Variants in CAPN7 observed in about 807,000 individuals in gnomAD.
CAPN7 encodes calpain-7.
CAPN7 carries 72 observed loss-of-function variants against 115.2 expected under a neutral mutation model. The ratio of observed to expected loss-of-function variants is 0.63; its 90% CI spans 0.52 to 0.76. The LOEUF (loss-of-function observed/expected upper bound fraction) is 0.76. Among genes scored for constraint, CAPN7 ranks in the 30% least tolerant of loss-of-function variants. CAPN7 has a pLI of 0.00. For missense variants in CAPN7, 905 were observed against 971.5 expected (o/e 0.93, Z 0.91); for synonymous variants, 344 against 322.3 (o/e 1.07, Z -0.72).
chr3:15,241,323 C>A, intron 14 of CAPN7, 130 bp from the exon 15 acceptor site: 1 of 824,842 alleles, frequency 1.2e-6, no homozygotes, highest in Non-Finnish European at 1.9e-6. Flanking sequence ...CCTAGTTATG[C>A]CAAAAAAATT....
Position 15,206,608 on chromosome 3 carries a change from G to A in CAPN7, c.102+11G>A. The A allele has an allele frequency of 1.3e-6, 2 of 1,538,004 alleles. No individual in the cohort carries two copies. Among genetic ancestry groups the A allele is most frequent in the Non-Finnish European group, 1.8e-6 (2 of 1,140,024 alleles). ...GTGTTTTATTACAAGGTAGGGCCGG[G>A]CCCGGCGCTTCGGTCGGAGTTGCTC... is the stretch of plus-strand genomic sequence containing the variant. On this transcript the variant is annotated intron_variant, in intron 1 of 20. Transcript: ENST00000253693.
intron 12 of CAPN7, among the ~76,000 whole-genome samples, chr3:15,239,457 T>A (rs1022726421): frequency 1.3e-5 from 2 of 152,228 alleles, no homozygotes; most frequent in Non-Finnish European, 2.9e-5. Context: ...ACCTTTACAT[T>A]CTGTTCCATA....
chr3:15,226,366 G>A (rs747438627), intron 6 of CAPN7, among the ~76,000 whole-genome samples: 1 of 152,120 alleles, frequency 6.6e-6, no homozygotes, highest in African/African-American at 2.4e-5. Context: ...GAGCCACCGC[G>A]CCTGGCTGTA....
chr3:15,227,463 G>A (rs1256697146), intron 6 of CAPN7, among the ~76,000 whole-genome samples: 1 of 152,160 alleles, frequency 6.6e-6, no homozygotes, highest in African/African-American at 2.4e-5. Flanking sequence ...AGTGGAGTTT[G>A]TAAAAAACCA....
intron 5 of CAPN7, among the ~76,000 whole-genome samples, chr3:15,222,291 A>G (rs759759981): frequency 7.9e-5 from 12 of 152,216 alleles, no homozygotes; most frequent in South Asian, 2.1e-4. Flanking sequence ...CCAAAAAAAA[A>G]TGAAATGTGA....
chr3:15,244,333 CA>C (rs1355800143), intron 16 of CAPN7, among the ~76,000 whole-genome samples: 1 of 152,148 alleles, frequency 6.6e-6, no homozygotes, highest in South Asian at 2.1e-4. Context: ...TTTTTTAAAA[CA>C]ATGCTCCATC....
chr3:15,240,406 TAAG>T, intron 12 of CAPN7, 64 bp from the exon 13 acceptor site: 1 of 1,386,368 alleles, frequency 7.2e-7, no homozygotes, highest in Non-Finnish European at 1.0e-6. Flanking sequence ...CATCCTCTAA[TAAG>T]AGAACTAATA....
At chr3:15,218,373 A>C in intron 3 of CAPN7, 100 bp from the exon 4 acceptor site, 1 of 729,762 alleles carries the variant, frequency 1.4e-6, no homozygotes, top group Non-Finnish European at 2.4e-6. Context: ...CAATTTCAGC[A>C]AGTGTAATAT....
chr3:15,245,555 C>A lies in CAPN7; in HGVS notation c.1894C>A (p.Arg632=). Residue 632 remains arginine, a synonymous_variant, in exon 17 of 21, where the codon CGA becomes AGA. Coordinates refer to ENST00000253693, the MANE Select transcript of CAPN7 (RefSeq NM_014296.3). ...CCCACCTCCATACATTGATGGAATT[C>A]GAATTAACAGCCCTCATTATTTGAC... ...ADPPPYIDGI[R]INSPHYLTKI... 6.2e-7 allele frequency: 1 copy of A among 1,613,506 alleles called. No homozygotes were observed. The highest frequency in any genetic ancestry group is 1.1e-5 in the South Asian group (1 of 90,998).
At chr3:15,215,996 G>A (rs2045228509) in intron 2 of CAPN7, among the ~76,000 whole-genome samples, 1 of 152,090 alleles carries the variant, frequency 6.6e-6, no homozygotes, top group African/African-American at 2.4e-5. Context: ...TGAGGCACAA[G>A]AATTGCTTGA....
chr3:15,244,585 C>T (rs1255545553), intron 16 of CAPN7, among the ~76,000 whole-genome samples: 1 of 152,170 alleles, frequency 6.6e-6, no homozygotes, highest in East Asian at 1.9e-4. Context: ...TACCAAAATA[C>T]TTAGTTTTTC....
chr3:15,226,540 TCTC>T (rs1258540451), intron 6 of CAPN7, among the ~76,000 whole-genome samples: 2 of 152,182 alleles, frequency 1.3e-5, no homozygotes, highest in South Asian at 2.1e-4. Flanking sequence ...ATTAATTTTT[TCTC>T]CTCAAAATTT....
chr3:15,218,552 C>A lies in CAPN7; in HGVS notation c.437+12C>A. The A allele has an allele frequency of 6.3e-7, 1 of 1,592,850 alleles. No homozygotes were observed. Among genetic ancestry groups the A allele is most frequent in the Non-Finnish European group, 8.6e-7 (1 of 1,162,134 alleles). ...CAGGCACTAGACAGGTGAGTTTGATCTCTCAAGTTCTAATCCATGGATGGC... is the reference window on the plus strand; with the variant it reads ...CAGGCACTAGACAGGTGAGTTTGATATCTCAAGTTCTAATCCATGGATGGC... On this transcript the variant is annotated intron_variant, in intron 4 of 20. Transcript: ENST00000253693.
chr3:15,238,069 T>C (rs1695098907), intron 12 of CAPN7, among the ~76,000 whole-genome samples: 1 of 151,482 alleles, frequency 6.6e-6, no homozygotes, highest in Non-Finnish European at 1.5e-5. Flanking sequence ...TTTTATTTTT[T>C]GCTACTTATA....
At chr3:15,215,867 C>T (rs188589312) in intron 2 of CAPN7, among the ~76,000 whole-genome samples, 92 of 152,346 alleles carry the variant, frequency 6.0e-4, no homozygotes, top group African/African-American at 2.2e-3. Flanking sequence ...AGACAGATCA[C>T]TTGAGGCCAG....
At chr3:15,217,352 A>C in intron 2 of CAPN7, 73 bp from the exon 3 acceptor site, 2 of 1,252,656 alleles carry the variant, frequency 1.6e-6, no homozygotes, top group East Asian at 2.6e-5. Context: ...AAATGTCTTA[A>C]ATAGTGAAAA....
At chr3:15,227,260 A>G (rs116088043) in intron 6 of CAPN7, among the ~76,000 whole-genome samples, 1 of 152,188 alleles carries the variant, frequency 6.6e-6, no homozygotes, top group African/African-American at 2.4e-5. Context: ...CTGGATTCAG[A>G]TGCCAGTTCT....
chr3:15,233,682 A>T (rs1694825345), intron 10 of CAPN7, among the ~76,000 whole-genome samples, 185 bp from the exon 11 acceptor site: 1 of 152,246 alleles, frequency 6.6e-6, no homozygotes, highest in African/African-American at 2.4e-5. Context: ...AGGGAAAAAT[A>T]TGCATGTTCA....
rs886094970 is a variant in CAPN7, at chr3:15,251,858, A to G, written c.*598A>G. ...GCTTTTAAGTATAGACTACCTTAGC[A>G]TGAAGATGCTCATGCCTAAGAATGA... On this transcript the variant is annotated 3_prime_UTR_variant, in exon 21 of 21. Transcript: ENST00000253693. 3.9e-5 allele frequency: 6 copies of G among 152,250 alleles called. No homozygotes were observed. The highest frequency in any genetic ancestry group is 1.4e-4 in the African/African-American group (6 of 41,482). 9.4% of individuals were successfully genotyped at this position (152,250 alleles called of 1,614,324 possible).
Sources: gnomAD v4.1 joint callset for allele counts (sites outside exome capture counted in the v4.1 genomes callset) on GRCh38, gnomAD v4.1.1 for gene constraint, MANE v1.5 for transcripts, NCBI Gene and HGNC (gene_info 2026-07-23, HGNC 2026-07-21) for gene names.